SIL1: variants seen among roughly 807,000 people sequenced by gnomAD.
The protein encoded by SIL1 is SIL1 nucleotide exchange factor.
SIL1 carries 40 observed loss-of-function variants against 49.1 expected under a neutral mutation model. The ratio of observed to expected loss-of-function variants is 0.81; its 90% CI spans 0.63 to 1.06. The LOEUF (loss-of-function observed/expected upper bound fraction) is 1.06, where lower values mean the gene tolerates loss of function less well. SIL1 is among the 50% of genes least tolerant of loss of function. The pLI is 0.00. For synonymous variants in SIL1, 253 were observed against 250.8 expected (o/e 1.01, Z -0.08); for missense variants, 500 against 572.6 (o/e 0.87, Z 1.29).
chr5:139,138,077 C>T (rs956026494), intron 1 of SIL1, among the ~76,000 whole-genome samples: 1 of 151,714 alleles, frequency 6.6e-6, no homozygotes, highest in Non-Finnish European at 1.5e-5. Context: ...AGCTTCCTAG[C>T]TATACACGAA....
At chr5:139,118,300 G>A (rs528889293) in intron 3 of SIL1, among the ~76,000 whole-genome samples, 8 of 152,264 alleles carry the variant, frequency 5.3e-5, no homozygotes, top group Non-Finnish European at 1.0e-4. Context: ...TACCCTCACC[G>A]GCATCCAGTG....
intron 7 of SIL1, among the ~76,000 whole-genome samples, chr5:138,963,187 G>GGAT (rs1162226696): frequency 1.3e-5 from 2 of 152,068 alleles, no homozygotes; most frequent in Non-Finnish European, 2.9e-5. Flanking sequence ...GGGCAAGAGG[G>GGAT]GATCCAAGGA....
At chr5:139,059,726 C>A (rs1769541860) in intron 3 of SIL1, among the ~76,000 whole-genome samples, 1 of 152,004 alleles carries the variant, frequency 6.6e-6, no homozygotes, top group Non-Finnish European at 1.5e-5. Flanking sequence ...GTGTATATAT[C>A]CACACATCTA....
chr5:139,162,778 C>T (rs548445004), intron 1 of SIL1, among the ~76,000 whole-genome samples: 2 of 152,102 alleles, frequency 1.3e-5, no homozygotes, highest in Non-Finnish European at 2.9e-5. Context: ...GTGAATGTGA[C>T]AAACAGATCT....
intron 3 of SIL1, among the ~76,000 whole-genome samples, chr5:139,115,145 G>A (rs924725976): frequency 6.6e-6 from 1 of 152,166 alleles, no homozygotes; most frequent in African/African-American, 2.4e-5. Context: ...CAGGGAGGGA[G>A]GGAGGGTCAC....
chr5:139,091,057 C>T (rs1770331660), intron 3 of SIL1, among the ~76,000 whole-genome samples: 1 of 152,076 alleles, frequency 6.6e-6, no homozygotes, highest in Non-Finnish European at 1.5e-5. Context: ...CATATAAGTA[C>T]CAAAAGAAAG....
At chr5:139,192,864 G>A (rs2151824191) in intron 1 of SIL1, among the ~76,000 whole-genome samples, 1 of 151,922 alleles carries the variant, frequency 6.6e-6, no homozygotes, top group East Asian at 1.9e-4. Flanking sequence ...AGATGTGGTG[G>A]CACATGCCTG....
chr5:139,121,743 G>A (rs932141924), intron 2 of SIL1, among the ~76,000 whole-genome samples: 3 of 152,118 alleles, frequency 2.0e-5, no homozygotes, highest in Non-Finnish European at 4.4e-5. Flanking sequence ...TGGAGGAAGC[G>A]TGCAAGTGGG....
intron 2 of SIL1, among the ~76,000 whole-genome samples, chr5:139,124,169 A>T (rs908924338): frequency 6.6e-6 from 1 of 152,244 alleles, no homozygotes; most frequent in African/African-American, 2.4e-5. Context: ...AGAAGGTAGC[A>T]CAGGAAATCC....
At chr5:139,051,962 T>C (rs1769297973) in intron 3 of SIL1, among the ~76,000 whole-genome samples, 1 of 152,214 alleles carries the variant, frequency 6.6e-6, no homozygotes. Flanking sequence ...ATGGGAGATT[T>C]GAAGCAAAGA....
chr5:139,031,960 G>A (rs892953797), intron 5 of SIL1, among the ~76,000 whole-genome samples: 1 of 152,140 alleles, frequency 6.6e-6, no homozygotes. Flanking sequence ...TGCATTGTCT[G>A]TATATCTTGT....
chr5:139,086,868 G>A (rs1772334919), intron 3 of SIL1, among the ~76,000 whole-genome samples: 1 of 151,940 alleles, frequency 6.6e-6, no homozygotes. Flanking sequence ...GCTGAGGCAG[G>A]GGAATAACTT....
At chr5:139,152,588 T>A in intron 1 of SIL1, among the ~76,000 whole-genome samples, 1 of 136,010 alleles carries the variant, frequency 7.4e-6, no homozygotes. Context: ...GCCACTACAC[T>A]CCAGCCTGGG....
intron 7 of SIL1, among the ~76,000 whole-genome samples, chr5:138,968,232 C>T (rs1767191511): frequency 6.6e-6 from 1 of 152,216 alleles, no homozygotes; most frequent in Non-Finnish European, 1.5e-5. Flanking sequence ...ACCACAGTGC[C>T]TCCACCACAG....
chr5:138,981,536 C>T lies in SIL1; in HGVS notation c.768-29652G>A, dbSNP rs114002146. ...GTCATTTCATGGGACTAGTGGGGCA[C>T]TGAAATCAAGTTTCTTATCCACTGC... On this transcript the variant is annotated intron_variant, in intron 7 of 9. Transcript: ENST00000394817. Among the ~76,000 whole-genome samples the T allele has an allele frequency of 4.6e-3, 703 of 152,310 alleles. 6 individuals are homozygous for T. Among genetic ancestry groups the T allele is most frequent in the African/African-American group, 0.016 (679 of 41,562 alleles).
intron 3 of SIL1, among the ~76,000 whole-genome samples, chr5:139,077,589 C>A (rs1030306917): frequency 6.6e-6 from 1 of 152,174 alleles, no homozygotes; most frequent in African/African-American, 2.4e-5. Flanking sequence ...TACCTTACCT[C>A]TTAAGCTCAG....
intron 5 of SIL1, among the ~76,000 whole-genome samples, chr5:139,038,908 C>T (rs893898472): frequency 6.6e-6 from 1 of 152,210 alleles, no homozygotes; most frequent in Non-Finnish European, 1.5e-5. Context: ...CCCCAACAGA[C>T]ACCATGTTAT....
intron 1 of SIL1, among the ~76,000 whole-genome samples, chr5:139,173,751 C>G (rs1751821386): frequency 6.8e-6 from 1 of 146,214 alleles, no homozygotes; most frequent in South Asian, 2.2e-4. Flanking sequence ...TCGAGACCAT[C>G]CTGGCTAACA....
At chr5:139,008,272 A>G (rs1318013232) in intron 7 of SIL1, among the ~76,000 whole-genome samples, 1 of 150,760 alleles carries the variant, frequency 6.6e-6, no homozygotes, top group East Asian at 1.9e-4. Flanking sequence ...GTATTCTCTG[A>G]TGGTAGTTTG....
Sources: allele counts gnomAD v4.1 joint callset (sites outside exome capture counted in the v4.1 genomes callset), GRCh38; gene constraint gnomAD v4.1.1; transcripts MANE v1.5; gene names NCBI Gene and HGNC (gene_info 2026-07-23, HGNC 2026-07-21).